The following TMEM245 variants were observed in gnomAD, a reference collection of about 807,000 sequenced individuals.
TMEM245 encodes protein CG-2.
TMEM245 carries 69 observed loss-of-function variants against 101.2 expected under a neutral mutation model. The ratio of observed to expected loss-of-function variants is 0.68; its 90% CI spans 0.56 to 0.83. The LOEUF (loss-of-function observed/expected upper bound fraction) is 0.83. TMEM245 is among the 40% of genes least tolerant of loss of function. TMEM245 has a pLI of 0.00. For synonymous variants in TMEM245, 537 were observed against 449.8 expected (o/e 1.19, Z -2.45); for missense variants, 1,075 against 1,092.8 (o/e 0.98, Z 0.23).
intron 12 of TMEM245, among the ~76,000 whole-genome samples, chr9:109,055,111 A>C (rs1828792315): frequency 6.6e-6 from 1 of 152,212 alleles, no homozygotes; most frequent in Non-Finnish European, 1.5e-5. Context: ...ATGTTTCTTT[A>C]TCATCTATCT....
Position 109,033,382 on chromosome 9 carries a change from T to C in TMEM245, c.2519A>G (p.Tyr840Cys). The C allele has an allele frequency of 1.2e-6, 2 of 1,614,172 alleles. No homozygotes were observed. Among genetic ancestry groups the C allele is most frequent in the East Asian group, 2.2e-5 (1 of 44,890 alleles). ...CGTGGGACTCACTAGCATGGCACTA[T>C]AGATATTGGAAGCAACCACAAGTAT... ...LCILVVASNIYSAMLVSPTNS... is the reference protein window; with the variant it reads ...LCILVVASNICSAMLVSPTNS... The change falls in exon 17 of 18, where the codon TAT becomes TGT. Residue 840 changes from tyrosine (Y) to cysteine (C), a missense_variant. Tyr to Cys is a radical substitution (Grantham distance 194, BLOSUM62 -2). Around this residue, in one of 2 missense-constraint regions of TMEM245, gnomAD observed 267 missense variants for 351.3 expected, o/e 0.76. Transcript: ENST00000374586.
Position 109,119,843 on chromosome 9 carries a change from G to T in TMEM245, c.71C>A (p.Pro24Gln), listed in dbSNP as rs781320837. ...ACCGCCACTCGGCCCGACCGCGCGC[G>T]GGACCCGCGGCGCCGGCCCGGGAGA... Reference protein sequence around the residue: ...RSSPGPAPRVPRAVGPSGGGG... With the variant: ...RSSPGPAPRVQRAVGPSGGGG... Residue 24 changes from proline (P) to glutamine (Q), a missense_variant, in exon 1 of 18, where the codon CCG becomes CAG. Transcript: ENST00000374586. 7.5e-6 allele frequency: 10 copies of T among 1,335,110 alleles called. No homozygotes were observed. The African/African-American group carries it at 1.5e-4, about 21-fold the overall frequency. The allele number at this position is 1,335,110 out of a possible 1,614,324, so 82.7% of individuals were successfully genotyped here. A position where few individuals can be genotyped will look rare whatever the true frequency, so the allele number is the denominator to read the frequency against.
chr9:109,048,097 C>T (rs1828554269), intron 14 of TMEM245, among the ~76,000 whole-genome samples: 1 of 152,200 alleles, frequency 6.6e-6, no homozygotes, highest in Admixed American at 6.5e-5. Flanking sequence ...ACCCCAATTG[C>T]TGTTACACTG....
chr9:109,045,884 C>T (rs573737523), intron 14 of TMEM245, among the ~76,000 whole-genome samples: 28 of 152,110 alleles, frequency 1.8e-4, no homozygotes, highest in Non-Finnish European at 3.1e-4. Flanking sequence ...GAGATTTCTT[C>T]AAATAAATGA....
Position 109,015,853 on chromosome 9 carries a change from C to G in TMEM245, c.*4607G>C, listed in dbSNP as rs1827424975. Reference sequence around the variant, plus strand: ...TTAAAATGTAATATCAATATATCACCACTGTATTTGCACATTAGTTGATCC... The same window carrying G: ...TTAAAATGTAATATCAATATATCACGACTGTATTTGCACATTAGTTGATCC... On this transcript the variant is annotated 3_prime_UTR_variant, in exon 18 of 18. Transcript: ENST00000374586. The G allele has an allele frequency of 6.6e-6, 1 of 152,306 alleles. No homozygotes were observed. The highest frequency in any genetic ancestry group is 2.4e-5 in the African/African-American group (1 of 41,424). The allele number at this position is 152,306 out of a possible 1,614,324, so 9.4% of individuals were successfully genotyped here.
intron 3 of TMEM245, among the ~76,000 whole-genome samples, chr9:109,094,368 C>G (rs939010382): frequency 2.0e-5 from 3 of 152,188 alleles, no homozygotes; most frequent in Non-Finnish European, 2.9e-5. Context: ...CCCCTGCAGC[C>G]GAGGTCTCAC....
At chr9:109,106,315 C>T (rs1830422665) in intron 3 of TMEM245, among the ~76,000 whole-genome samples, 193 bp downstream of exon 3, 1 of 151,266 alleles carries the variant, frequency 6.6e-6, no homozygotes, top group South Asian at 2.1e-4. Flanking sequence ...TTAAGTTATA[C>T]ATGCCTCAAT....
At position 109,068,411 on chromosome 9, in the gene TMEM245, C is replaced by G. The variant is rs117234261; in HGVS notation, c.1533-3844G>C. On this transcript the variant is annotated intron_variant, in intron 9 of 17. Transcript: ENST00000374586. ...AGGCCTTCCTTTTGGGAGGCCAAAG[C>G]GGGTGGATCACTTGAGGTCAGGAGT... Among the ~76,000 whole-genome samples, 3 of 147,440 alleles carry G rather than the reference C, an allele frequency of 2.0e-5. No homozygotes were observed. In the East Asian group the frequency reaches 6.1e-4, roughly 30 times the overall value.
intron 1 of TMEM245, among the ~76,000 whole-genome samples, chr9:109,114,659 C>T (rs1385804201): frequency 1.3e-5 from 2 of 152,222 alleles, no homozygotes; most frequent in African/African-American, 4.8e-5. Context: ...TCTATTACTA[C>T]TGCAAAAAAC....
At chr9:109,110,261 AG>A (rs1403349191) in intron 1 of TMEM245, among the ~76,000 whole-genome samples, 1 of 152,146 alleles carries the variant, frequency 6.6e-6, no homozygotes, top group Non-Finnish European at 1.5e-5. Context: ...CCTATGTGCC[AG>A]GCCCTATTCT....
intron 5 of TMEM245, among the ~76,000 whole-genome samples, chr9:109,089,424 A>C (rs1829935973): frequency 6.6e-6 from 1 of 152,218 alleles, no homozygotes; most frequent in Non-Finnish European, 1.5e-5. Context: ...TAAATGGGCT[A>C]ATAAGTTTAG....
chr9:109,086,944 AT>A (rs1310793322), intron 6 of TMEM245, among the ~76,000 whole-genome samples: 2 of 152,232 alleles, frequency 1.3e-5, no homozygotes, highest in African/African-American at 2.4e-5. Context: ...AAATCAGAAA[AT>A]CCATTTCTCC....
At chr9:109,052,283 AGAT>A (rs1828709106) in intron 12 of TMEM245, among the ~76,000 whole-genome samples, 2 of 152,250 alleles carry the variant, frequency 1.3e-5, no homozygotes, top group African/African-American at 4.8e-5. Context: ...GAAGAAATGC[AGAT>A]GATATTATCT....
At chr9:109,106,869 G>T (rs1255565333) in intron 2 of TMEM245, among the ~76,000 whole-genome samples, 2 of 152,078 alleles carry the variant, frequency 1.3e-5, no homozygotes, top group Admixed American at 1.3e-4. Flanking sequence ...TTCTATTAAA[G>T]AGAGTCTATT....
chr9:109,114,334 T>C (rs1169354273), intron 1 of TMEM245, among the ~76,000 whole-genome samples: 1 of 152,200 alleles, frequency 6.6e-6, no homozygotes, highest in Non-Finnish European at 1.5e-5. Context: ...GAAACAAACC[T>C]AGAAATGTGT....
chr9:109,041,999 G>A (rs976915962), intron 14 of TMEM245, among the ~76,000 whole-genome samples: 1 of 152,036 alleles, frequency 6.6e-6, no homozygotes, highest in East Asian at 1.9e-4. Context: ...GGCATAGTGC[G>A]TGCCATTAGT....
chr9:109,089,662 G>C (rs1043255698), intron 5 of TMEM245, among the ~76,000 whole-genome samples: 6 of 152,152 alleles, frequency 3.9e-5, no homozygotes, highest in African/African-American at 1.4e-4. Context: ...TTTCTACAAT[G>C]CACCTGTCAG....
At chr9:109,050,155 C>T in intron 14 of TMEM245, 128 bp downstream of exon 14, 1 of 1,091,848 alleles carries the variant, frequency 9.2e-7, no homozygotes, top group Non-Finnish European at 1.3e-6. Flanking sequence ...GAGATGAAAA[C>T]CTTGAAAATA....
intron 11 of TMEM245, among the ~76,000 whole-genome samples, chr9:109,058,758 C>T (rs145213284): frequency 5.9e-5 from 9 of 152,190 alleles, no homozygotes; most frequent in African/African-American, 1.2e-4. Flanking sequence ...GGACTACAGG[C>T]GCACACCACC....
Sources: allele counts gnomAD v4.1 joint callset (sites outside exome capture counted in the v4.1 genomes callset), GRCh38; gene constraint gnomAD v4.1.1; regional missense constraint gnomAD v4.1.1; transcripts MANE v1.5; gene names NCBI Gene and HGNC (gene_info 2026-07-23, HGNC 2026-07-21).